Variants in NPSR1 observed in about 807,000 individuals in gnomAD.
The protein encoded by NPSR1 is neuropeptide S receptor.
A neutral mutation model predicts 46.9 loss-of-function variants in NPSR1; 48 were observed. That is an observed-to-expected ratio of 1.02 (90% CI 0.81 to 1.30). NPSR1 has a LOEUF of 1.30. Among genes scored for constraint, NPSR1 ranks in the 50% most tolerant of loss-of-function variants. NPSR1 has a pLI of 0.00. For missense variants in NPSR1, 450 were observed against 449.5 expected (o/e 1.00, Z -0.01); for synonymous variants, 176 against 168.1 (o/e 1.05, Z -0.36).
At chr7:34,796,424 G>GGC (rs1180317868) in intron 3 of NPSR1, among the ~76,000 whole-genome samples, 2 of 152,060 alleles carry the variant, frequency 1.3e-5, no homozygotes, top group Non-Finnish European at 2.9e-5. Flanking sequence ...ATTTGCAAAA[G>GGC]GCATACCTGA....
rs66886501 is a variant in NPSR1 at position 34,686,960 on chromosome 7, C to CAA, written c.280+2296_280+2297dup. Among the ~76,000 whole-genome samples the CAA allele has an allele frequency of 2.2e-3, 209 of 94,128 alleles. 2 individuals carry two copies. Among genetic ancestry groups the CAA allele is most frequent in the Non-Finnish European group, 3.4e-3 (159 of 46,276 alleles). The allele number at this position is 94,128 out of a possible 152,430, so 61.8% of individuals were successfully genotyped here. ...TGGGCGACAGAGTGAGACTCCGTCT[C>CAA]AAAAAAAAAAAAAAAAAAAAAGAAA... On this transcript the variant is annotated intron_variant, in intron 2 of 8. Coordinates refer to ENST00000360581, the MANE Select transcript of NPSR1 (RefSeq NM_207172.2).
At chr7:34,796,192 C>T (rs1296518071) in intron 3 of NPSR1, among the ~76,000 whole-genome samples, 9 of 151,986 alleles carry the variant, frequency 5.9e-5, no homozygotes, top group East Asian at 1.9e-4. Flanking sequence ...GACATCCACA[C>T]GCCTAATAAT....
At chr7:34,709,128 T>C (rs547903782) in intron 2 of NPSR1, among the ~76,000 whole-genome samples, 60 of 152,198 alleles carry the variant, frequency 3.9e-4, no homozygotes, top group Admixed American at 7.8e-4. Context: ...AGTAACTAAG[T>C]ATCTGTTCAA....
intron 1 of NPSR1, among the ~76,000 whole-genome samples, chr7:34,668,251 G>T (rs1562638540): frequency 6.6e-6 from 1 of 152,308 alleles, no homozygotes; most frequent in East Asian, 1.9e-4. Context: ...AGGGAATATT[G>T]TGAGTGCTCA....
chr7:34,817,648 A>G (rs924641107), intron 4 of NPSR1, among the ~76,000 whole-genome samples: 1 of 147,202 alleles, frequency 6.8e-6, no homozygotes, highest in African/African-American at 2.5e-5. Flanking sequence ...TCCTTGATGA[A>G]CATCGATGTG....
chr7:34,824,824 C>T (rs1323416971), intron 4 of NPSR1, among the ~76,000 whole-genome samples: 1 of 152,150 alleles, frequency 6.6e-6, no homozygotes, highest in Non-Finnish European at 1.5e-5. Context: ...GGGGCAGCTA[C>T]TAATGTCACC....
chr7:34,727,943 GA>G (rs1346255546), intron 2 of NPSR1, among the ~76,000 whole-genome samples: 1 of 151,634 alleles, frequency 6.6e-6, no homozygotes, highest in East Asian at 1.9e-4. Flanking sequence ...CTGATGATAG[GA>G]AAGAGTGCTA....
chr7:34,780,991 G>A lies in NPSR1; in HGVS notation c.384+2426G>A, dbSNP rs74642833. 1.3e-3 allele frequency among the ~76,000 whole-genome samples: 194 copies of A among 152,254 alleles called. 5 individuals are homozygous for A. In the East Asian group the frequency reaches 0.031, roughly 24 times the overall value. ...ACCAAAGCTTAAGAACATACGCTGA[G>A]TAATGAGATATCCATAGGGGATTTG... On this transcript the variant is annotated intron_variant, in intron 3 of 8. Coordinates refer to ENST00000360581, the MANE Select transcript of NPSR1 (RefSeq NM_207172.2).
At chr7:34,769,121 A>G (rs1463579794) in intron 2 of NPSR1, among the ~76,000 whole-genome samples, 1 of 151,740 alleles carries the variant, frequency 6.6e-6, no homozygotes, top group Non-Finnish European at 1.5e-5. Flanking sequence ...TTCCATCTAT[A>G]TTTTTCTTCC....
intron 3 of NPSR1, among the ~76,000 whole-genome samples, chr7:34,807,820 C>T (rs1048641723): frequency 5.3e-5 from 8 of 151,862 alleles, no homozygotes; most frequent in African/African-American, 1.9e-4. Flanking sequence ...TTGTTTGTTG[C>T]TATTTACTTG....
At chr7:34,774,596 T>C (rs73111571) in intron 2 of NPSR1, among the ~76,000 whole-genome samples, 3 of 152,318 alleles carry the variant, frequency 2.0e-5, no homozygotes, top group Non-Finnish European at 2.9e-5. Flanking sequence ...TGTATAACTT[T>C]GTACTGAAAA....
At chr7:34,681,602 C>T (rs544289887) in intron 1 of NPSR1, among the ~76,000 whole-genome samples, 2 of 152,284 alleles carry the variant, frequency 1.3e-5, no homozygotes, top group East Asian at 1.9e-4. Flanking sequence ...GTGCCAAAGA[C>T]ATGTAGGGTG....
chr7:34,810,156 T>C (rs1788912010), intron 3 of NPSR1, among the ~76,000 whole-genome samples: 1 of 152,182 alleles, frequency 6.6e-6, no homozygotes, highest in South Asian at 2.1e-4. Context: ...CAAAGATAAC[T>C]GCCAAGAAGA....
intron 2 of NPSR1, among the ~76,000 whole-genome samples, chr7:34,742,424 G>A (rs553685413): frequency 5.3e-5 from 8 of 152,170 alleles, no homozygotes; most frequent in East Asian, 1.9e-4. Flanking sequence ...GCGGTATTTC[G>A]TTTTCTGTTC....
At position 34,849,731 on chromosome 7, in the gene NPSR1, A is replaced by G; in HGVS notation, c.*76A>G. 1 of 1,587,310 alleles carries G rather than the reference A, an allele frequency of 6.3e-7. No homozygotes were observed. Among genetic ancestry groups the G allele is most frequent in the Admixed American group, 1.8e-5 (1 of 56,500 alleles). Reference sequence around the variant, plus strand: ...CCTTGTCACCTGCTTGGGCACGTGCATGGAACCCGAGCCAACTTCACCCCA... The same window carrying G: ...CCTTGTCACCTGCTTGGGCACGTGCGTGGAACCCGAGCCAACTTCACCCCA... On this transcript the variant is annotated 3_prime_UTR_variant, in exon 9 of 9. Transcript: ENST00000360581.
chr7:34,842,045 T>A (rs768894559), intron 6 of NPSR1, among the ~76,000 whole-genome samples: 11 of 152,272 alleles, frequency 7.2e-5, no homozygotes, highest in Non-Finnish European at 1.3e-4. Flanking sequence ...TTCATAAAGA[T>A]GGCTCACCTT....
At chr7:34,868,286 C>A (rs1189394171) in intron 8 of NPSR1, among the ~76,000 whole-genome samples, 2 of 151,528 alleles carry the variant, frequency 1.3e-5, no homozygotes, top group African/African-American at 4.9e-5. Context: ...AGGGAGGGAC[C>A]AGGCAGCAGC....
chr7:34,872,919 A>G (rs540696274), intron 8 of NPSR1, among the ~76,000 whole-genome samples: 1 of 151,824 alleles, frequency 6.6e-6, no homozygotes, highest in Admixed American at 6.5e-5. Flanking sequence ...CCTTTTAAAT[A>G]TAAGTTCCAG....
intron 4 of NPSR1, among the ~76,000 whole-genome samples, chr7:34,824,047 A>G (rs1789707941): frequency 6.6e-6 from 1 of 152,260 alleles, no homozygotes; most frequent in Admixed American, 6.5e-5. Flanking sequence ...AAAGATGGTC[A>G]TAACAGGCTT....
Sources: gnomAD v4.1 joint callset for allele counts (sites outside exome capture counted in the v4.1 genomes callset) on GRCh38, gnomAD v4.1.1 for gene constraint, MANE v1.5 for transcripts, NCBI Gene and HGNC (gene_info 2026-07-23, HGNC 2026-07-21) for gene names.